ZPBP: variants seen among roughly 807,000 people sequenced by gnomAD.
The protein encoded by ZPBP is zona pellucida binding protein, also known as zona pellucida-binding protein 1.
ZPBP carries 26 observed loss-of-function variants against 44.8 expected under a neutral mutation model. That is an observed-to-expected ratio of 0.58 (90% CI 0.43 to 0.81). The LOEUF (loss-of-function observed/expected upper bound fraction) is 0.81, where lower values mean the gene tolerates loss of function less well. Ranked by LOEUF, ZPBP falls within the 30% of genes least tolerant of loss-of-function variation. The pLI, the probability that ZPBP is intolerant of heterozygous loss-of-function variation, is 0.00. For synonymous variants in ZPBP, 174 were observed against 153.2 expected, an observed-to-expected ratio of 1.14 and a Z score of -1.00; for missense variants, 409 against 434.0, an observed-to-expected ratio of 0.94 and a Z score of 0.51.
In ZPBP at chr7:50,003,034, C is replaced by A. The variant is rs561474269; in HGVS notation, c.783+15206G>T. Among the ~76,000 whole-genome samples the A allele has an allele frequency of 2.0e-5, 3 of 152,234 alleles. No individual in the cohort carries two copies. The South Asian group carries it at 6.2e-4, about 32-fold the overall frequency. On this transcript the variant is annotated intron_variant, in intron 6 of 7. Coordinates refer to ENST00000046087, the MANE Select transcript of ZPBP (RefSeq NM_007009.3). ...TAAAACAGAAATTATTCTACAGACA[C>A]AATTTGCTAATAATTCCCTACTTGT...
chr7:49,912,912 T>C (rs1793533887), intron 1 of ZPBP: 1 of 152,152 alleles, frequency 6.6e-6, no homozygotes, highest in Non-Finnish European at 1.5e-5. Flanking sequence ...TATTTTCTCT[T>C]CTAAGGATAA....
the ZPBP span, among the ~76,000 whole-genome samples, chr7:49,842,885 G>A: frequency 1.9e-4 from 29 of 151,954 alleles, no homozygotes; most frequent in Admixed American, 6.6e-5. Context: ...TTCATCTCCC[G>A]TTTCTGTTTT....
intron 4 of ZPBP, among the ~76,000 whole-genome samples, chr7:50,040,789 GGAACACCAGC>G (rs1800047500): frequency 6.6e-6 from 1 of 152,098 alleles, no homozygotes; most frequent in South Asian, 2.1e-4. Flanking sequence ...ATTGGTGCCT[GGAACACCAGC>G]GAGACAGAAC....
chr7:50,091,859 G>A (rs1264659714), intron 1 of ZPBP, among the ~76,000 whole-genome samples: 1 of 152,166 alleles, frequency 6.6e-6, no homozygotes, highest in Non-Finnish European at 1.5e-5. Context: ...GCAAAGAAAA[G>A]GATGTGGTAT....
chr7:49,970,124 G>A (rs750816973), intron 7 of ZPBP, among the ~76,000 whole-genome samples: 2 of 152,096 alleles, frequency 1.3e-5, no homozygotes, highest in Admixed American at 6.5e-5. Context: ...GCCTCCCAAA[G>A]TTCTGGGATA....
the ZPBP span, among the ~76,000 whole-genome samples, chr7:49,841,992 G>A: frequency 5.3e-5 from 8 of 152,024 alleles, no homozygotes; most frequent in African/African-American, 1.9e-4. Flanking sequence ...TCAGCCTCCT[G>A]AGTAGCTGGG....
chr7:49,881,272 A>G (rs1791651591), intron 2 of ZPBP, among the ~76,000 whole-genome samples: 1 of 152,170 alleles, frequency 6.6e-6, no homozygotes, highest in Non-Finnish European at 1.5e-5. Flanking sequence ...CATTTGTTTC[A>G]TCAACCAGCT....
At chr7:49,930,893 C>A (rs1470318673) in intron 1 of ZPBP, among the ~76,000 whole-genome samples, 6 of 152,176 alleles carry the variant, frequency 3.9e-5, no homozygotes, top group African/African-American at 1.2e-4. Flanking sequence ...TTAAATCTCA[C>A]CTTGAATTGT....
intron 4 of ZPBP, among the ~76,000 whole-genome samples, chr7:50,047,190 A>C (rs1800414846): frequency 6.6e-6 from 1 of 152,188 alleles, no homozygotes; most frequent in East Asian, 1.9e-4. Flanking sequence ...AGAAATACCT[A>C]ATGTAGATGA....
At chr7:50,016,450 A>C (rs1257506060) in intron 6 of ZPBP, among the ~76,000 whole-genome samples, 1 of 152,116 alleles carries the variant, frequency 6.6e-6, no homozygotes, top group East Asian at 1.9e-4. Context: ...ATCAGGTACT[A>C]TGCTCACTAT....
At chr7:49,961,665 A>G (rs868207193) in intron 7 of ZPBP, among the ~76,000 whole-genome samples, 1 of 152,172 alleles carries the variant, frequency 6.6e-6, no homozygotes. Context: ...TTTTGTGGTT[A>G]TCATGCAAAA....
At chr7:50,072,957 G>A (rs181298753) in intron 3 of ZPBP, among the ~76,000 whole-genome samples, 115 of 152,108 alleles carry the variant, frequency 7.6e-4, no homozygotes, top group African/African-American at 2.5e-3. Flanking sequence ...ACAAATAAGC[G>A]CAGACAGTGA....
intron 6 of ZPBP, among the ~76,000 whole-genome samples, chr7:49,984,114 G>C (rs1051322599): frequency 2.0e-5 from 3 of 152,086 alleles, no homozygotes; most frequent in African/African-American, 7.2e-5. Flanking sequence ...TATGAGGTAC[G>C]CATAAATTCA....
At chr7:50,019,596 A>T (rs373956533) in intron 5 of ZPBP, among the ~76,000 whole-genome samples, 13 of 152,242 alleles carry the variant, frequency 8.5e-5, no homozygotes, top group African/African-American at 3.1e-4. Flanking sequence ...TGATATGAAG[A>T]TCATAAAATT....
chr7:49,964,513 A>G (rs1333603040), intron 7 of ZPBP, among the ~76,000 whole-genome samples: 1 of 152,058 alleles, frequency 6.6e-6, no homozygotes, highest in African/African-American at 2.4e-5. Context: ...AATTCAATTT[A>G]AAATAGGGTA....
intron 7 of ZPBP, among the ~76,000 whole-genome samples, chr7:49,953,000 T>C (rs1795413111): frequency 6.6e-6 from 1 of 152,030 alleles, no homozygotes; most frequent in South Asian, 2.1e-4. Context: ...AAAACATTAG[T>C]TATCAAACCA....
At chr7:49,854,172 C>A (rs1261535069) in intron 2 of ZPBP, among the ~76,000 whole-genome samples, 1 of 152,096 alleles carries the variant, frequency 6.6e-6, no homozygotes, top group Non-Finnish European at 1.5e-5. Flanking sequence ...CCGCAATAAG[C>A]ATACATGTGC....
At chr7:49,948,090 G>A (rs1795179340) in intron 7 of ZPBP, among the ~76,000 whole-genome samples, 1 of 152,202 alleles carries the variant, frequency 6.6e-6, no homozygotes, top group South Asian at 2.1e-4. Flanking sequence ...CTCCTTTCAA[G>A]GCAGTGGGCT....
chr7:49,980,299 T>C (rs1212258564), intron 7 of ZPBP, among the ~76,000 whole-genome samples: 15 of 30,548 alleles, frequency 4.9e-4, no homozygotes, highest in Middle Eastern at 0.021. Flanking sequence ...AAATATATAA[T>C]ATATATAATA....
Sources: allele counts gnomAD v4.1 joint callset (sites outside exome capture counted in the v4.1 genomes callset), GRCh38; gene constraint gnomAD v4.1.1; transcripts MANE v1.5; gene names NCBI Gene and HGNC (gene_info 2026-07-23, HGNC 2026-07-21).